USP53: variants seen among roughly 807,000 people sequenced by gnomAD.
The protein encoded by USP53 is ubiquitin carboxyl-terminal hydrolase 53.
USP53 carries 71 observed loss-of-function variants against 94.9 expected under a neutral mutation model. The ratio of observed to expected loss-of-function variants is 0.75; its 90% CI spans 0.62 to 0.91. The LOEUF (loss-of-function observed/expected upper bound fraction) is 0.91. Ranked by LOEUF, USP53 falls within the 40% of genes least tolerant of loss-of-function variation. The probability of loss-of-function intolerance (pLI) is 0.00; values close to 1 mark genes in which losing one functional copy is unlikely to be tolerated. For synonymous variants in USP53, 375 were observed against 422.7 expected (o/e 0.89, Z 1.39); for missense variants, 1,173 against 1,281.0 (o/e 0.92, Z 1.29).
In USP53 at chr4:119,227,290, CACACACACAA is replaced by C. The variant is rs1387697496; in HGVS notation, c.-664-7997_-664-7988del. ...ACACACACACACACACACACACACA[CACACACACAA>C]ACTTGAAATGAATCATAGAGCTAAC... is the stretch of plus-strand genomic sequence containing the variant. On this transcript the variant is annotated intron_variant, in intron 3 of 18. Coordinates refer to ENST00000692078, the MANE Select transcript of USP53 (RefSeq NM_001371395.1). 7.4e-4 allele frequency among the ~76,000 whole-genome samples: 104 copies of C among 140,844 alleles called. 1 individual carries two copies. The highest frequency in any genetic ancestry group is 2.5e-3 in the African/African-American group (102 of 40,078). The allele number at this position is 140,844 out of a possible 152,430, so 92.4% of individuals were successfully genotyped here.
Position 119,292,660 on chromosome 4 carries a change from T to A in USP53, c.2671T>A (p.Phe891Ile). Residue 891 changes from phenylalanine to isoleucine, a missense_variant, in exon 19 of 19, where the codon TTT (phenylalanine) becomes ATT (isoleucine). Transcript: ENST00000692078. ...QQQNIMDQCY[F>I]ENSLSTECII... ...ACAAAATATCATGGATCAATGTTAC[T>A]TTGAGAACTCTCTATCCACAGAATG... The A allele has an allele frequency of 6.2e-7, 1 of 1,614,036 alleles. No individual in the cohort carries two copies. Among genetic ancestry groups the A allele is most frequent in the Non-Finnish European group, 8.5e-7 (1 of 1,179,900 alleles).
intron 17 of USP53, among the ~76,000 whole-genome samples, chr4:119,279,922 G>T (rs1753282239): frequency 6.6e-6 from 1 of 152,230 alleles, no homozygotes; most frequent in Non-Finnish European, 1.5e-5. Context: ...GACCCCTCGT[G>T]CTTCCCAGGT....
At chr4:119,233,242 G>C (rs1389844769) in intron 3 of USP53, among the ~76,000 whole-genome samples, 1 of 150,426 alleles carries the variant, frequency 6.6e-6, no homozygotes, top group African/African-American at 2.4e-5. Context: ...ATTTTAGTTT[G>C]GGATTTATTT....
chr4:119,259,511 T>C (rs771305984), intron 9 of USP53, among the ~76,000 whole-genome samples: 2 of 152,204 alleles, frequency 1.3e-5, no homozygotes, highest in African/African-American at 2.4e-5. Context: ...CATTAAGTAA[T>C]AATACAAATA....
intron 16 of USP53, 65 bp from the exon 17 acceptor site, chr4:119,273,567 T>TC: frequency 1.6e-6 from 2 of 1,289,018 alleles, no homozygotes; most frequent in Non-Finnish European, 2.2e-6. Flanking sequence ...AATGTTGTTT[T>TC]TTTTTAGACT....
At chr4:119,258,323 G>A (rs1019656288) in intron 9 of USP53, among the ~76,000 whole-genome samples, 2 of 152,090 alleles carry the variant, frequency 1.3e-5, no homozygotes, top group African/African-American at 4.8e-5. Context: ...GAAGTGTTTG[G>A]ATGGGTACAT....
In USP53 at chr4:119,261,857, T is replaced by A. The variant is rs1750561075; in HGVS notation, c.965T>A (p.Val322Glu). Residue 322 changes from valine to glutamate, a missense_variant, in exon 12 of 19, where the codon GTG (valine) becomes GAG (glutamate). Transcript: ENST00000692078. ...SKWVFFDDAN[V>E]KEIGTRWKDV... Reference sequence around the variant, plus strand: ...TGGGTATTTTTTGATGATGCAAATGTGAAAGAGGTAAGTGACACTTTCTTT... The same window carrying A: ...TGGGTATTTTTTGATGATGCAAATGAGAAAGAGGTAAGTGACACTTTCTTT... 2 of 1,471,556 alleles carry A rather than the reference T, an allele frequency of 1.4e-6. No homozygotes were observed. Among genetic ancestry groups the A allele is most frequent in the East Asian group, 4.8e-5 (2 of 42,026 alleles). 91.2% of individuals were successfully genotyped at this position (1,471,556 alleles called of 1,614,324 possible).
intron 17 of USP53, among the ~76,000 whole-genome samples, chr4:119,282,451 A>C (rs969809589): frequency 6.6e-6 from 1 of 152,114 alleles, no homozygotes; most frequent in Admixed American, 6.6e-5. Context: ...TAAGGACTCC[A>C]GTCTCTCCAT....
intron 6 of USP53, among the ~76,000 whole-genome samples, chr4:119,248,041 A>G (rs899400759): frequency 6.6e-6 from 1 of 152,116 alleles, no homozygotes; most frequent in Non-Finnish European, 1.5e-5. Flanking sequence ...GACCAATACT[A>G]CTTTGGTGGG....
chr4:119,252,533 A>G (rs1470283881), intron 7 of USP53, among the ~76,000 whole-genome samples: 1 of 152,176 alleles, frequency 6.6e-6, no homozygotes, highest in Non-Finnish European at 1.5e-5. Context: ...AGGTATTTAT[A>G]GTATTCTGTG....
At chr4:119,240,972 A>G (rs1021646103) in intron 5 of USP53, among the ~76,000 whole-genome samples, 1 of 152,204 alleles carries the variant, frequency 6.6e-6, no homozygotes. Flanking sequence ...ATATAGTGAA[A>G]TATTAGATAC....
intron 3 of USP53, among the ~76,000 whole-genome samples, chr4:119,229,658 G>A (rs1561203062): frequency 6.6e-6 from 1 of 152,054 alleles, no homozygotes. Context: ...TTCATCCCCT[G>A]TTTATGCTAC....
intron 14 of USP53, among the ~76,000 whole-genome samples, chr4:119,268,964 G>A (rs1751511984): frequency 6.6e-6 from 1 of 152,150 alleles, no homozygotes; most frequent in African/African-American, 2.4e-5. Flanking sequence ...TCTAACTCTT[G>A]TGTGGATGTT....
At position 119,280,005 on chromosome 4, in the gene USP53, C is replaced by T. The variant is rs533299224; in HGVS notation, c.2251+6297C>T. ...ACTGGCCTGCGCCCACTGTCTGGTA[C>T]TCCCTAGTGAGATGAACCCGGTACC... On this transcript the variant is annotated intron_variant, in intron 17 of 18. Coordinates refer to ENST00000692078, the MANE Select transcript of USP53 (RefSeq NM_001371395.1). Among the ~76,000 whole-genome samples, 4 of 152,320 alleles carry T rather than the reference C, an allele frequency of 2.6e-5. No homozygotes were observed. The East Asian group carries it at 7.7e-4, about 30-fold the overall frequency.
chr4:119,239,839 C>T lies in USP53; in HGVS notation c.80C>T (p.Ala27Val). Residue 27 changes from alanine to valine, a missense_variant, in exon 5 of 19, where the codon GCC (alanine) becomes GTC (valine). Transcript: ENST00000692078. The stretch of plus-strand genomic sequence containing the variant: ...CAGCCTGGAAGTATGCTATCACTAG[C>T]CCCTACCAAAGGCTTGTTAAATGAA... ...VYQPGSMLSL[A>V]PTKGLLNEPG... 1 of 1,612,790 alleles carries T rather than the reference C, an allele frequency of 6.2e-7. No individual in the cohort carries two copies. The highest frequency in any genetic ancestry group is 8.5e-7 in the Non-Finnish European group (1 of 1,179,386).
At chr4:119,290,590 A>C (rs1055948122) in intron 17 of USP53, among the ~76,000 whole-genome samples, 2 of 152,226 alleles carry the variant, frequency 1.3e-5, no homozygotes, top group Admixed American at 1.3e-4. Flanking sequence ...TTGAGTAAGC[A>C]GTCAATAAAT....
chr4:119,285,312 T>A (rs964363920), intron 17 of USP53, among the ~76,000 whole-genome samples: 4 of 151,882 alleles, frequency 2.6e-5, no homozygotes, highest in African/African-American at 9.7e-5. Flanking sequence ...GAGGTACGGT[T>A]ATCTACTGAG....
Position 119,248,615 on chromosome 4 carries a change from T to C in USP53, c.238-133T>C, listed in dbSNP as rs1420703459. 7 of 1,048,486 alleles carry C rather than the reference T, an allele frequency of 6.7e-6. No individual in the cohort carries two copies. In the East Asian group the frequency reaches 1.6e-4, roughly 24 times the overall value. The allele number at this position is 1,048,486 out of a possible 1,614,324, so 64.9% of individuals were successfully genotyped here. ...ATGATACAAATAATTAATTTTTGTA[T>C]GAAATTTTAGAGCAAAAGACTTCTG... On this transcript the variant is annotated intron_variant, in intron 6 of 18. Transcript: ENST00000692078.
intron 4 of USP53, among the ~76,000 whole-genome samples, chr4:119,237,929 C>T (rs780016579): frequency 6.6e-6 from 1 of 152,206 alleles, no homozygotes; most frequent in African/African-American, 2.4e-5. Context: ...AGCTTCCTCA[C>T]CCTCTTTTTC....
Sources: allele counts gnomAD v4.1 joint callset (sites outside exome capture counted in the v4.1 genomes callset), GRCh38; gene constraint gnomAD v4.1.1; transcripts MANE v1.5; gene names NCBI Gene and HGNC (gene_info 2026-07-23, HGNC 2026-07-21).